Variants in AGBL4 observed in about 807,000 individuals in gnomAD.
The protein encoded by AGBL4 is cytosolic carboxypeptidase 6.
AGBL4 carries 58 observed loss-of-function variants against 66.4 expected under a neutral mutation model. The ratio of observed to expected loss-of-function variants is 0.87; its 90% CI spans 0.71 to 1.09. The LOEUF (loss-of-function observed/expected upper bound fraction) is 1.09, where lower values mean the gene tolerates loss of function less well. Among genes scored for constraint, AGBL4 ranks in the 50% least tolerant of loss-of-function variants. The pLI, the probability that AGBL4 is intolerant of heterozygous loss-of-function variation, is 0.00. For missense variants in AGBL4, 579 were observed against 631.0 expected, an observed-to-expected ratio of 0.92 and a Z score of 0.88; for synonymous variants, 234 against 222.9, an observed-to-expected ratio of 1.05 and a Z score of -0.44.
intron 3 of AGBL4, among the ~76,000 whole-genome samples, chr1:49,270,990 C>T (rs1644045767): frequency 6.6e-6 from 1 of 152,102 alleles, no homozygotes; most frequent in South Asian, 2.1e-4. Flanking sequence ...CTCAAACTGC[C>T]AGCTGTGGGT....
intron 9 of AGBL4, among the ~76,000 whole-genome samples, chr1:48,616,444 T>C (rs944112654): frequency 1.3e-5 from 2 of 152,166 alleles, no homozygotes; most frequent in Non-Finnish European, 2.9e-5. Context: ...TACAGAATAG[T>C]TCATAATAGT....
At chr1:48,958,225 C>A (rs1571097660) in intron 5 of AGBL4, among the ~76,000 whole-genome samples, 1 of 152,126 alleles carries the variant, frequency 6.6e-6, no homozygotes, top group Admixed American at 6.5e-5. Flanking sequence ...TCTTTAGTTC[C>A]CTGCACATGC....
At chr1:49,784,169 C>A (rs1393671685) in intron 2 of AGBL4, among the ~76,000 whole-genome samples, 3 of 152,018 alleles carry the variant, frequency 2.0e-5, no homozygotes, top group Admixed American at 1.3e-4. Context: ...TCAGAACAGT[C>A]AGAATAACCT....
At chr1:48,612,291 C>T (rs1023165985) in intron 9 of AGBL4, among the ~76,000 whole-genome samples, 8 of 152,230 alleles carry the variant, frequency 5.3e-5, no homozygotes, top group East Asian at 1.9e-4. Context: ...GAGGAGTTTA[C>T]ACCCTTGGTG....
At position 49,548,113 on chromosome 1, in the gene AGBL4, T is replaced by C. The variant is rs561640913; in HGVS notation, c.282+149200A>G. The stretch of plus-strand genomic sequence containing the variant: ...GATTTGATTCTCTGCTTGGTTGCTG[T>C]CGTTGTAAAGAGAGATACTGATTTG... On this transcript the variant is annotated intron_variant, in intron 3 of 13. Transcript: ENST00000371839. 3.3e-5 allele frequency among the ~76,000 whole-genome samples: 5 copies of C among 152,274 alleles called. No individual in the cohort carries two copies. In the South Asian group the frequency reaches 1.0e-3, roughly 32 times the overall value.
At chr1:49,204,282 A>AT (rs34833049) in intron 4 of AGBL4, among the ~76,000 whole-genome samples, 1 of 151,690 alleles carries the variant, frequency 6.6e-6, no homozygotes, top group Non-Finnish European at 1.5e-5. Context: ...TTTATTGTTT[A>AT]TTTTTTTAGT....
intron 3 of AGBL4, among the ~76,000 whole-genome samples, chr1:49,565,228 C>T (rs1381533313): frequency 1.3e-5 from 2 of 152,176 alleles, no homozygotes; most frequent in African/African-American, 2.4e-5. Flanking sequence ...TTCTTGAATA[C>T]AGCACACTGA....
In AGBL4 at chr1:49,969,539, T is replaced by A. The variant is rs531112860; in HGVS notation, c.34+54224A>T. 1.5e-4 allele frequency among the ~76,000 whole-genome samples: 23 copies of A among 151,908 alleles called. No individual in the cohort carries two copies. The South Asian group carries it at 4.2e-3, about 28-fold the overall frequency. On this transcript the variant is annotated intron_variant, in intron 1 of 13. Coordinates refer to ENST00000371839, the MANE Select transcript of AGBL4 (RefSeq NM_032785.4). Reference sequence around the variant, plus strand: ...ACCTCCCCATTTCCCCCACCCCACATCCCCTGGTAACCACCACCTACTATC... The same window carrying A: ...ACCTCCCCATTTCCCCCACCCCACAACCCCTGGTAACCACCACCTACTATC...
intron 3 of AGBL4, among the ~76,000 whole-genome samples, chr1:49,309,308 A>T (rs749029545): frequency 6.6e-6 from 1 of 152,126 alleles, no homozygotes; most frequent in Non-Finnish European, 1.5e-5. Context: ...AAACTTTAAT[A>T]TGTTTAAGAA....
At chr1:49,345,601 T>C (rs1415416799) in intron 3 of AGBL4, among the ~76,000 whole-genome samples, 3 of 152,178 alleles carry the variant, frequency 2.0e-5, no homozygotes, top group Admixed American at 6.5e-5. Flanking sequence ...AATAATCTTT[T>C]GATGACTTTT....
chr1:49,846,081 C>T (rs1250082551), intron 2 of AGBL4: 2 of 1,559,306 alleles, frequency 1.3e-6, no homozygotes, highest in South Asian at 1.1e-5. Context: ...GGAGAGAAAC[C>T]CTATGAATGT....
chr1:48,830,426 A>C (rs1033666270), intron 6 of AGBL4, among the ~76,000 whole-genome samples: 4 of 152,220 alleles, frequency 2.6e-5, no homozygotes, highest in African/African-American at 9.6e-5. Context: ...CACTGGTAAG[A>C]GAAAATGAGT....
At chr1:49,894,144 G>A (rs1011454968) in intron 1 of AGBL4, among the ~76,000 whole-genome samples, 4 of 152,298 alleles carry the variant, frequency 2.6e-5, no homozygotes, top group South Asian at 2.1e-4. Flanking sequence ...CTATGAATCT[G>A]CAAGAACCAC....
chr1:48,775,847 G>A lies in AGBL4; in HGVS notation c.634+91344C>T, dbSNP rs554438901. On this transcript the variant is annotated intron_variant, in intron 6 of 13. Coordinates refer to ENST00000371839, the MANE Select transcript of AGBL4 (RefSeq NM_032785.4). ...GCAGGGCAGGGATGAGAGGTCCAGT[G>A]TTATTCTGACCCAGAAACTCTCTCC... Among the ~76,000 whole-genome samples the A allele has an allele frequency of 6.6e-5, 10 of 152,352 alleles. No individual in the cohort carries two copies. In the South Asian group the frequency reaches 2.1e-3, roughly 32 times the overall value.
chr1:50,022,863 C>T (rs772774489), intron 1 of AGBL4, among the ~76,000 whole-genome samples: 88 of 152,314 alleles, frequency 5.8e-4, no homozygotes, highest in South Asian at 1.4e-3. Flanking sequence ...CTCCCTCCCA[C>T]ATACTCAAAA....
intron 3 of AGBL4, among the ~76,000 whole-genome samples, chr1:49,524,891 C>A (rs1650537598): frequency 6.6e-6 from 1 of 152,058 alleles, no homozygotes; most frequent in Non-Finnish European, 1.5e-5. Flanking sequence ...ATAGCAACCT[C>A]AGAGATGAAC....
At chr1:49,566,657 A>T (rs2148864000) in intron 3 of AGBL4, among the ~76,000 whole-genome samples, 1 of 152,170 alleles carries the variant, frequency 6.6e-6, no homozygotes, top group East Asian at 1.9e-4. Context: ...GTTCCTCTGG[A>T]AGTTTTGTCT....
At chr1:48,958,002 G>T (rs943930985) in intron 5 of AGBL4, among the ~76,000 whole-genome samples, 8 of 150,678 alleles carry the variant, frequency 5.3e-5, no homozygotes, top group Admixed American at 2.0e-4. Flanking sequence ...TTTTTTTTTT[G>T]TTTGTTTGTT....
chr1:49,149,260 T>C (rs1320908963), intron 4 of AGBL4, among the ~76,000 whole-genome samples: 1 of 152,214 alleles, frequency 6.6e-6, no homozygotes, highest in African/African-American at 2.4e-5. Context: ...TTTGAAGTCT[T>C]TCAAAATTGT....
Sources: allele counts gnomAD v4.1 joint callset (sites outside exome capture counted in the v4.1 genomes callset), GRCh38; gene constraint gnomAD v4.1.1; transcripts MANE v1.5; gene names NCBI Gene and HGNC (gene_info 2026-07-23, HGNC 2026-07-21).